Variants in STAG1 observed in about 807,000 individuals in gnomAD.
The protein encoded by STAG1 is cohesin subunit SA-1.
In STAG1, 26 loss-of-function variants were observed where a neutral mutation model predicts 170.9. That is an observed-to-expected ratio of 0.15 (90% CI 0.11 to 0.21). The LOEUF (loss-of-function observed/expected upper bound fraction) is 0.21. STAG1 is among the 10% of genes least tolerant of loss of function. The pLI, the probability that STAG1 is intolerant of heterozygous loss-of-function variation, is 1.00. For synonymous variants in STAG1, 514 were observed against 497.7 expected, an observed-to-expected ratio of 1.03 and a Z score of -0.44; for missense variants, 964 against 1,509.5, an observed-to-expected ratio of 0.64 and a Z score of 5.99.
intron 6 of STAG1, among the ~76,000 whole-genome samples, chr3:136,530,127 T>C (rs1935296861): frequency 6.6e-6 from 1 of 152,092 alleles, no homozygotes; most frequent in African/African-American, 2.4e-5. Flanking sequence ...TCAAAAACAG[T>C]CATAAAGACA....
intron 21 of STAG1, among the ~76,000 whole-genome samples, chr3:136,414,126 C>T (rs1222351396): frequency 1.3e-5 from 2 of 152,124 alleles, no homozygotes; most frequent in East Asian, 1.9e-4. Flanking sequence ...TTAACAGGGT[C>T]GTTGTTGAAG....
chr3:136,460,598 G>A (rs1225680756), intron 13 of STAG1, among the ~76,000 whole-genome samples: 5 of 151,518 alleles, frequency 3.3e-5, no homozygotes, highest in East Asian at 1.9e-4. Flanking sequence ...GCAAAACTCC[G>A]TCTCAAAAAA....
intron 1 of STAG1, among the ~76,000 whole-genome samples, chr3:136,722,783 G>A (rs1482343587): frequency 2.6e-5 from 4 of 151,964 alleles, no homozygotes; most frequent in South Asian, 4.2e-4. Flanking sequence ...GCTCACTGCA[G>A]CCTCCCTGCC....
At chr3:136,498,233 T>TATACACAC in intron 9 of STAG1, among the ~76,000 whole-genome samples, 11 of 57,490 alleles carry the variant, frequency 1.9e-4, no homozygotes, top group Non-Finnish European at 3.1e-4. Flanking sequence ...TATATATATA[T>TATACACAC]ACACATACAT....
At position 136,541,932 on chromosome 3, in the gene STAG1, C is replaced by T. The variant is rs778941796; in HGVS notation, c.471+187G>A. ...GCCTGCCAGTAATTATTCAATACTCCACACAACATAATCAAATCTCCAAAG... is the reference window on the plus strand; with the variant it reads ...GCCTGCCAGTAATTATTCAATACTCTACACAACATAATCAAATCTCCAAAG... On this transcript the variant is annotated intron_variant, in intron 6 of 33. Coordinates refer to ENST00000383202, the MANE Select transcript of STAG1 (RefSeq NM_005862.3). Among the ~76,000 whole-genome samples the T allele has an allele frequency of 7.9e-5, 12 of 152,204 alleles. No individual in the cohort carries two copies. The South Asian group carries it at 2.5e-3, about 32-fold the overall frequency.
intron 22 of STAG1, 21 bp from the exon 23 acceptor site, chr3:136,377,773 T>G: frequency 1.9e-6 from 3 of 1,601,142 alleles, no homozygotes; most frequent in Non-Finnish European, 2.6e-6. Flanking sequence ...CATTCAAATT[T>G]GCAAGCGTGA....
chr3:136,387,962 A>C (rs922058360), intron 22 of STAG1, among the ~76,000 whole-genome samples: 3 of 152,228 alleles, frequency 2.0e-5, no homozygotes, highest in Non-Finnish European at 4.4e-5. Context: ...CCAAAAATTC[A>C]GATGGAGGAC....
intron 5 of STAG1, among the ~76,000 whole-genome samples, chr3:136,561,706 G>C (rs954995856): frequency 2.6e-5 from 4 of 152,044 alleles, no homozygotes; most frequent in African/African-American, 9.7e-5. Context: ...GTGTTGGCTT[G>C]CATATCCAAT....
intron 1 of STAG1, among the ~76,000 whole-genome samples, chr3:136,700,876 C>CTTTTTTTTTTTTT (rs35459362): frequency 3.6e-3 from 282 of 78,346 alleles, no homozygotes; most frequent in East Asian, 4.1e-3. Flanking sequence ...TATTTTTTTT[C>CTTTTTTTTTTTTT]TTTTTTTTTT....
chr3:136,540,558 A>G (rs1655657834), intron 6 of STAG1, among the ~76,000 whole-genome samples: 1 of 152,068 alleles, frequency 6.6e-6, no homozygotes, highest in African/African-American at 2.4e-5. Flanking sequence ...ATGGTGGCTC[A>G]TGTCTGTAAT....
chr3:136,399,783 CAA>C (rs1157792522), intron 21 of STAG1, among the ~76,000 whole-genome samples: 1 of 152,012 alleles, frequency 6.6e-6, no homozygotes, highest in Non-Finnish European at 1.5e-5. Context: ...CTAAGAGTCC[CAA>C]AGAGTTTTTC....
intron 9 of STAG1, among the ~76,000 whole-genome samples, chr3:136,497,869 T>C (rs549513292): frequency 2.9e-4 from 40 of 139,878 alleles, no homozygotes; most frequent in African/African-American, 1.0e-3. Flanking sequence ...AAAAAAAAAT[T>C]CCTCAATCTG....
intron 12 of STAG1, among the ~76,000 whole-genome samples, chr3:136,468,327 C>T (rs1470160109): frequency 6.6e-6 from 1 of 152,088 alleles, no homozygotes; most frequent in Admixed American, 6.5e-5. Flanking sequence ...AAGGGGATAT[C>T]ACCACCGATC....
In STAG1 at chr3:136,414,436, AG is replaced by A. The variant is rs370198548; in HGVS notation, c.2196+3448del. ...TAAGAATTAACTCCTCATCTCTTCA[AG>A]TTTGAGCAGGAGATAGCAGCAACTC... is the stretch of plus-strand genomic sequence containing the variant. On this transcript the variant is annotated intron_variant, in intron 21 of 33. Coordinates refer to ENST00000383202, the MANE Select transcript of STAG1 (RefSeq NM_005862.3). Among the ~76,000 whole-genome samples the A allele has an allele frequency of 2.8e-4, 43 of 152,296 alleles. 1 individual carries two copies. In the East Asian group the frequency reaches 8.3e-3, roughly 29 times the overall value.
intron 5 of STAG1, among the ~76,000 whole-genome samples, chr3:136,561,576 T>G (rs2107751813): frequency 6.6e-6 from 1 of 152,334 alleles, no homozygotes; most frequent in South Asian, 2.1e-4. Context: ...ATTATGGAAT[T>G]ATTTTATTGC....
intron 6 of STAG1, among the ~76,000 whole-genome samples, chr3:136,536,782 G>T (rs79925735): frequency 0.016 from 2,391 of 150,764 alleles, 72 homozygotes; most frequent in African/African-American, 0.055. Flanking sequence ...CCATTTACCA[G>T]TTGTGTGACC....
rs66573534 is a variant in STAG1 at position 136,416,844 on chromosome 3, C to CT, written c.2196+1040dup. On this transcript the variant is annotated intron_variant, in intron 21 of 33. Coordinates refer to ENST00000383202, the MANE Select transcript of STAG1 (RefSeq NM_005862.3). ...AATAAAGTACTGTTTTCATAATTAA[C>CT]TTTTTTTTTTTTTTTTTTTGAGACA... 7.7e-3 allele frequency among the ~76,000 whole-genome samples: 973 copies of CT among 127,180 alleles called. 7 individuals carry two copies. The highest frequency in any genetic ancestry group is 0.018 in the East Asian group (88 of 4,780). 83.4% of individuals were successfully genotyped at this position (127,180 alleles called of 152,430 possible).
chr3:136,639,761 C>G (rs983883504), intron 1 of STAG1, among the ~76,000 whole-genome samples: 2 of 152,148 alleles, frequency 1.3e-5, no homozygotes, highest in Admixed American at 6.5e-5. Context: ...AACATTGGCA[C>G]TACCACAGCC....
At chr3:136,567,275 G>A (rs1166168987) in intron 5 of STAG1, among the ~76,000 whole-genome samples, 1 of 152,146 alleles carries the variant, frequency 6.6e-6, no homozygotes, top group African/African-American at 2.4e-5. Context: ...ATCAGTGCTT[G>A]CCTCACCTAC....
Sources: gnomAD v4.1 joint callset for allele counts (sites outside exome capture counted in the v4.1 genomes callset) on GRCh38, gnomAD v4.1.1 for gene constraint, MANE v1.5 for transcripts, NCBI Gene and HGNC (gene_info 2026-07-23, HGNC 2026-07-21) for gene names.